The following KHDRBS2 variants were observed in gnomAD, a reference collection of about 807,000 sequenced individuals.
The protein encoded by KHDRBS2 is KH domain-containing, RNA-binding, signal transduction-associated protein 2.
In KHDRBS2, 26 loss-of-function variants were observed where a neutral mutation model predicts 44.3. That is an observed-to-expected ratio of 0.59 (90% CI 0.43 to 0.81). The LOEUF is 0.81. KHDRBS2 is among the 40% of genes least tolerant of loss of function. The pLI, the probability that KHDRBS2 is intolerant of heterozygous loss-of-function variation, is 0.00. For missense variants in KHDRBS2, 476 were observed against 433.1 expected, an observed-to-expected ratio of 1.10 and a Z score of -0.88; for synonymous variants, 194 against 151.1, an observed-to-expected ratio of 1.28 and a Z score of -2.08.
rs142021470 is a variant in KHDRBS2 at position 61,802,559 on chromosome 6, A to G, written c.811-69795T>C. Among the ~76,000 whole-genome samples the G allele has an allele frequency of 1.2e-3, 182 of 152,264 alleles. 1 individual carries two copies. The South Asian group carries it at 0.02, about 17-fold the overall frequency. On this transcript the variant is annotated intron_variant, in intron 6 of 8. Transcript: ENST00000281156. ...ACTCTTGCCTCCTAATCTGTACACA[A>G]TAAGTTATATATTATTTTCTCCTAA...
intron 1 of KHDRBS2, among the ~76,000 whole-genome samples, chr6:62,198,557 T>C (rs1390296057): frequency 6.6e-6 from 1 of 152,154 alleles, no homozygotes; most frequent in African/African-American, 2.4e-5. Flanking sequence ...ATCTCTTGAA[T>C]AGACCAATAA....
intron 4 of KHDRBS2, 73 bp from the exon 5 acceptor site, chr6:61,901,444 A>C: frequency 8.9e-7 from 1 of 1,126,130 alleles, no homozygotes; most frequent in Non-Finnish European, 1.2e-6. Flanking sequence ...AAAAAAAAAG[A>C]AACAAAACAA....
chr6:62,107,333 C>T (rs543635172), intron 2 of KHDRBS2, among the ~76,000 whole-genome samples: 3 of 152,146 alleles, frequency 2.0e-5, no homozygotes, highest in Non-Finnish European at 2.9e-5. Flanking sequence ...TGAGTGAACT[C>T]CCATTCACAA....
At chr6:61,807,380 T>C (rs531808665) in intron 6 of KHDRBS2, among the ~76,000 whole-genome samples, 19 of 152,276 alleles carry the variant, frequency 1.2e-4, no homozygotes, top group African/African-American at 2.4e-4. Flanking sequence ...GGTATGTTCA[T>C]TGTAGCACTA....
chr6:61,684,001 A>T (rs1359912481), intron 8 of KHDRBS2, among the ~76,000 whole-genome samples: 1 of 151,976 alleles, frequency 6.6e-6, no homozygotes, highest in Admixed American at 6.6e-5. Flanking sequence ...TCCATTGTTT[A>T]CATGTTCTTG....
At chr6:62,089,743 A>G (rs1318489313) in intron 2 of KHDRBS2, among the ~76,000 whole-genome samples, 2 of 152,144 alleles carry the variant, frequency 1.3e-5, no homozygotes, top group African/African-American at 2.4e-5. Context: ...TCTGTCTTAT[A>G]ATTATTCATT....
chr6:61,672,697 GT>G, the KHDRBS2 span, among the ~76,000 whole-genome samples: 2 of 148,138 alleles, frequency 1.4e-5, no homozygotes, highest in African/African-American at 2.5e-5. Context: ...GGGGTTGTGT[GT>G]TTTTTTCTTG....
chr6:61,908,180 A>T (rs552673768), intron 4 of KHDRBS2, among the ~76,000 whole-genome samples: 1 of 152,190 alleles, frequency 6.6e-6, no homozygotes, highest in Non-Finnish European at 1.5e-5. Context: ...TTATTACTTT[A>T]GTATTAAAAC....
chr6:61,884,618 G>A (rs184342337), intron 6 of KHDRBS2, among the ~76,000 whole-genome samples: 1 of 151,936 alleles, frequency 6.6e-6, no homozygotes, highest in East Asian at 1.9e-4. Context: ...GTCTCCACAG[G>A]GTGAAATGTT....
chr6:62,239,231 T>C (rs1197328449), intron 1 of KHDRBS2, among the ~76,000 whole-genome samples: 1 of 152,186 alleles, frequency 6.6e-6, no homozygotes, highest in Non-Finnish European at 1.5e-5. Flanking sequence ...TGTCTTGATG[T>C]CTGTAACTTA....
intron 6 of KHDRBS2, among the ~76,000 whole-genome samples, chr6:61,738,622 C>T (rs999056122): frequency 6.6e-6 from 1 of 151,908 alleles, no homozygotes; most frequent in Non-Finnish European, 1.5e-5. Flanking sequence ...GACCACTTCA[C>T]GCATTTGGGT....
intron 1 of KHDRBS2, among the ~76,000 whole-genome samples, chr6:62,230,468 CT>C (rs1414756905): frequency 1.3e-5 from 2 of 152,102 alleles, no homozygotes; most frequent in African/African-American, 4.8e-5. Flanking sequence ...GACCTTCCAT[CT>C]TTTTAAACAT....
At chr6:62,231,308 G>C (rs1832859278) in intron 1 of KHDRBS2, among the ~76,000 whole-genome samples, 1 of 152,160 alleles carries the variant, frequency 6.6e-6, no homozygotes, top group Non-Finnish European at 1.5e-5. Context: ...TTACAATCAT[G>C]GCAGAAGGCG....
intron 1 of KHDRBS2, among the ~76,000 whole-genome samples, chr6:62,228,478 C>T (rs1303816711): frequency 6.6e-6 from 1 of 152,076 alleles, no homozygotes; most frequent in Non-Finnish European, 1.5e-5. Flanking sequence ...AAAAAACCAG[C>T]CCCTGGATTC....
chr6:61,751,021 G>T (rs1338667217), intron 6 of KHDRBS2, among the ~76,000 whole-genome samples: 9 of 151,978 alleles, frequency 5.9e-5, no homozygotes, highest in Admixed American at 2.0e-4. Flanking sequence ...TATAGTAAAA[G>T]AACTTTGATT....
At chr6:61,889,920 C>T (rs1213855687) in intron 6 of KHDRBS2, among the ~76,000 whole-genome samples, 1 of 152,156 alleles carries the variant, frequency 6.6e-6, no homozygotes, top group East Asian at 1.9e-4. Flanking sequence ...ATATTGTTTA[C>T]AGAAGCAGCC....
intron 7 of KHDRBS2, among the ~76,000 whole-genome samples, chr6:61,701,063 G>GA (rs1166916910): frequency 6.6e-6 from 1 of 151,736 alleles, no homozygotes; most frequent in Non-Finnish European, 1.5e-5. Context: ...TGGGTGCAAA[G>GA]AAAAAAATAC....
intron 1 of KHDRBS2, among the ~76,000 whole-genome samples, chr6:62,260,348 G>C (rs1166657127): frequency 6.6e-6 from 1 of 151,954 alleles, no homozygotes; most frequent in Non-Finnish European, 1.5e-5. Flanking sequence ...CTTGATGGAA[G>C]GGTAGAATGA....
intron 3 of KHDRBS2, among the ~76,000 whole-genome samples, chr6:61,979,379 C>A (rs1177967549): frequency 6.6e-6 from 1 of 152,018 alleles, no homozygotes; most frequent in Non-Finnish European, 1.5e-5. Context: ...ACATGTAATT[C>A]TTGGTTTTAT....
Sources: gnomAD v4.1 joint callset for allele counts (sites outside exome capture counted in the v4.1 genomes callset) on GRCh38, gnomAD v4.1.1 for gene constraint, MANE v1.5 for transcripts, NCBI Gene and HGNC (gene_info 2026-07-23, HGNC 2026-07-21) for gene names.